Variants in DLGAP2 observed in about 807,000 individuals in gnomAD.
The protein encoded by DLGAP2 is DLG associated protein 2, also known as disks large-associated protein 2.
In DLGAP2, 26 loss-of-function variants were observed where a neutral mutation model predicts 100.3. That is an observed-to-expected ratio of 0.26 (90% confidence interval 0.19 to 0.36). The LOEUF (loss-of-function observed/expected upper bound fraction) is 0.36. DLGAP2 is among the 10% of genes least tolerant of loss of function. The pLI is 1.00. For synonymous variants in DLGAP2, 886 were observed against 630.1 expected (o/e 1.41, Z -6.08); for missense variants, 1,858 against 1,453.2 (o/e 1.28, Z -4.53).
At chr8:1,159,326 G>C (rs1796847733) in intron 2 of DLGAP2, among the ~76,000 whole-genome samples, 1 of 152,216 alleles carries the variant, frequency 6.6e-6, no homozygotes, top group Non-Finnish European at 1.5e-5. Context: ...AACAATGTAA[G>C]AAGAGGTATA....
chr8:968,266 C>T (rs140287587), intron 2 of DLGAP2, among the ~76,000 whole-genome samples: 230 of 152,226 alleles, frequency 1.5e-3, no homozygotes, highest in African/African-American at 4.9e-3. Flanking sequence ...CTGCCCCCAA[C>T]CCCCCAGCTG....
rs1170654174 is a variant in DLGAP2, at chr8:1,343,709, G to GT, written c.106+84827dup. ...TGGAGCAGTTTGCATCTGGGGGGTCGTGGGGGGTGTTAGAGGCTCCGATGT... is the reference window on the plus strand; with the variant it reads ...TGGAGCAGTTTGCATCTGGGGGGTCGTTGGGGGGTGTTAGAGGCTCCGATGT... On this transcript the variant is annotated intron_variant, in intron 3 of 14. Coordinates refer to ENST00000637795, the MANE Select transcript of DLGAP2 (RefSeq NM_001346810.2). Among the ~76,000 whole-genome samples, 4 of 127,380 alleles carry GT rather than the reference G, an allele frequency of 3.1e-5. No homozygotes were observed. In the East Asian group the frequency reaches 1.0e-3, roughly 32 times the overall value. The allele number at this position is 127,380 out of a possible 152,430, so 83.6% of individuals were successfully genotyped here.
At chr8:909,154 C>T (rs371259616) in intron 2 of DLGAP2, among the ~76,000 whole-genome samples, 10 of 152,280 alleles carry the variant, frequency 6.6e-5, no homozygotes, top group African/African-American at 2.4e-4. Flanking sequence ...GTCTCAGCTA[C>T]GAGTTTGAGC....
At chr8:1,165,623 G>C (rs1238281567) in intron 2 of DLGAP2, among the ~76,000 whole-genome samples, 2 of 152,250 alleles carry the variant, frequency 1.3e-5, no homozygotes, top group Admixed American at 1.3e-4. Context: ...TGCAGTCGCT[G>C]CGTGTGACTG....
At chr8:1,479,030 A>G (rs998408268) in intron 3 of DLGAP2, among the ~76,000 whole-genome samples, 3 of 152,248 alleles carry the variant, frequency 2.0e-5, no homozygotes, top group Admixed American at 6.5e-5. Context: ...TGCTGAAACA[A>G]TCGAAAGGAG....
At chr8:822,304 G>A (rs1458105936) in intron 1 of DLGAP2, 3 of 398,838 alleles carry the variant, frequency 7.5e-6, no homozygotes, top group Non-Finnish European at 1.3e-5. Flanking sequence ...GGGGCACAGG[G>A]GTGACGGGGG....
At chr8:1,156,487 G>A (rs1044184182) in intron 2 of DLGAP2, among the ~76,000 whole-genome samples, 3 of 152,020 alleles carry the variant, frequency 2.0e-5, no homozygotes, top group Non-Finnish European at 4.4e-5. Context: ...CTGCCTGGGT[G>A]GCACAACCCG....
chr8:868,582 C>T (rs912287290), intron 1 of DLGAP2, among the ~76,000 whole-genome samples: 1 of 152,234 alleles, frequency 6.6e-6, no homozygotes, highest in African/African-American at 2.4e-5. Flanking sequence ...TGTCCATCAT[C>T]TCTGAGATGA....
At chr8:1,037,763 A>T (rs1178039082) in intron 2 of DLGAP2, among the ~76,000 whole-genome samples, 1 of 152,154 alleles carries the variant, frequency 6.6e-6, no homozygotes, top group African/African-American at 2.4e-5. Context: ...AAAATATCCA[A>T]GCAGGCTGGT....
At chr8:1,036,945 C>T (rs370891965) in intron 2 of DLGAP2, among the ~76,000 whole-genome samples, 9 of 151,898 alleles carry the variant, frequency 5.9e-5, no homozygotes, top group Non-Finnish European at 8.8e-5. Context: ...TCCTAAAGTC[C>T]GTGCTCCTGG....
chr8:1,261,933 C>T (rs76958807), intron 3 of DLGAP2, among the ~76,000 whole-genome samples: 4,873 of 152,234 alleles, frequency 0.032, 121 homozygotes, highest in South Asian at 0.091. Context: ...GTGTGCGGCT[C>T]GGATGTGGGT....
intron 2 of DLGAP2, among the ~76,000 whole-genome samples, chr8:1,031,148 T>C (rs917448362): frequency 6.6e-6 from 1 of 152,134 alleles, no homozygotes; most frequent in Non-Finnish European, 1.5e-5. Context: ...CCAATTTTGT[T>C]TTTGTGTCAT....
chr8:1,683,121 G>C (rs904133424), intron 12 of DLGAP2, among the ~76,000 whole-genome samples: 1 of 151,576 alleles, frequency 6.6e-6, no homozygotes, highest in African/African-American at 2.4e-5. Flanking sequence ...GAGAAGACCA[G>C]GTACAGGAAG....
chr8:1,062,363 C>T (rs1284103596), intron 2 of DLGAP2, among the ~76,000 whole-genome samples: 1 of 152,214 alleles, frequency 6.6e-6, no homozygotes, highest in African/African-American at 2.4e-5. Context: ...CACACTCGGT[C>T]GTCTTGGCCT....
chr8:955,800 C>G (rs1758895633), intron 2 of DLGAP2, among the ~76,000 whole-genome samples: 2 of 152,126 alleles, frequency 1.3e-5, no homozygotes, highest in Admixed American at 1.3e-4. Context: ...AATATCTTAC[C>G]TTGTTGAACA....
chr8:1,448,691 A>G (rs1798051770), intron 3 of DLGAP2, among the ~76,000 whole-genome samples: 1 of 152,198 alleles, frequency 6.6e-6, no homozygotes, highest in South Asian at 2.1e-4. Context: ...TATCTTGAAG[A>G]CTTTGATAGT....
intron 2 of DLGAP2, among the ~76,000 whole-genome samples, chr8:1,242,577 C>T (rs925367290): frequency 3.3e-5 from 5 of 152,212 alleles, no homozygotes; most frequent in African/African-American, 1.2e-4. Flanking sequence ...AGAAGGAGGC[C>T]CACCCTCGCC....
chr8:1,176,157 T>G (rs1202385945), intron 2 of DLGAP2, among the ~76,000 whole-genome samples: 3 of 152,042 alleles, frequency 2.0e-5, no homozygotes, highest in Non-Finnish European at 4.4e-5. Context: ...ACAATTGTGG[T>G]GGAAGATGAA....
chr8:1,244,420 G>T (rs1798863061), intron 2 of DLGAP2, among the ~76,000 whole-genome samples: 1 of 152,214 alleles, frequency 6.6e-6, no homozygotes, highest in South Asian at 2.1e-4. Context: ...GCAAAATATT[G>T]TGTTATAATG....
Sources: gnomAD v4.1 joint callset for allele counts (sites outside exome capture counted in the v4.1 genomes callset) on GRCh38, gnomAD v4.1.1 for gene constraint, MANE v1.5 for transcripts, NCBI Gene and HGNC (gene_info 2026-07-23, HGNC 2026-07-21) for gene names.